The following LRPPRC variants were observed in gnomAD, a reference collection of about 807,000 sequenced individuals.
LRPPRC encodes the protein leucine-rich PPR motif-containing protein, mitochondrial.
In LRPPRC, 120 loss-of-function variants were observed where a neutral mutation model predicts 180.3. The observed-to-expected ratio is 0.67, with a 90% CI of 0.57 to 0.77. The LOEUF is 0.77. LRPPRC is among the 30% of genes least tolerant of loss of function. The pLI, the probability that LRPPRC is intolerant of heterozygous loss-of-function variation, is 0.00. For missense variants in LRPPRC, 2,012 were observed against 1,657.2 expected (o/e 1.21, Z -3.72); for synonymous variants, 723 against 600.0 (o/e 1.21, Z -3.00).
chr2:43,962,710 A>C (rs776699262), intron 12 of LRPPRC, among the ~76,000 whole-genome samples: 1 of 152,230 alleles, frequency 6.6e-6, no homozygotes, highest in East Asian at 1.9e-4. Context: ...GTAGAAAAAC[A>C]AAGGTTTGAA....
intron 29 of LRPPRC, among the ~76,000 whole-genome samples, chr2:43,917,253 A>G (rs1671506384): frequency 6.6e-6 from 1 of 151,622 alleles, no homozygotes. Flanking sequence ...GTTGGCCAGG[A>G]TGGTCTCCAT....
At position 43,918,091 on chromosome 2, in the gene LRPPRC, C is replaced by A; in HGVS notation, c.3082G>T (p.Ala1028Ser). The change falls in exon 29 of 38, where the codon GCC (alanine) becomes TCC (serine). Residue 1028 changes from alanine (A) to serine (S), a missense_variant. Physicochemically the swap from Ala to Ser is moderately conservative, Grantham distance 99. Coordinates refer to ENST00000260665, the MANE Select transcript of LRPPRC (RefSeq NM_133259.4). The part of the protein sequence containing the change: ...DEKHSLNSSS[A>S]STTEPDFQKD... ...TGGAAATCAGGTTCTGTGGTTGAGGCTGACGAAGAATTCAGGGAATGTTTT... is the reference window on the plus strand; with the variant it reads ...TGGAAATCAGGTTCTGTGGTTGAGGATGACGAAGAATTCAGGGAATGTTTT... 1 of 1,613,252 alleles carries A rather than the reference C, an allele frequency of 6.2e-7. No homozygotes were observed. The highest frequency in any genetic ancestry group is 8.5e-7 in the Non-Finnish European group (1 of 1,179,776).
chr2:43,947,444 T>G (rs1672729286), intron 19 of LRPPRC, 74 bp from the exon 20 acceptor site: 1 of 752,738 alleles, frequency 1.3e-6, no homozygotes, highest in African/African-American at 1.7e-5. Context: ...ACTCTTCCCT[T>G]TAAACTGACT....
intron 25 of LRPPRC, among the ~76,000 whole-genome samples, chr2:43,931,138 C>G (rs1672072766): frequency 6.6e-6 from 1 of 152,154 alleles, no homozygotes; most frequent in South Asian, 2.1e-4. Flanking sequence ...ACTCTTAGCC[C>G]TTTGAGTAGT....
Position 43,894,595 on chromosome 2 carries a change from G to C in LRPPRC, c.3935C>G (p.Pro1312Arg), listed in dbSNP as rs747154844. 3.5e-5 allele frequency: 56 copies of C among 1,583,158 alleles called. No individual in the cohort carries two copies. Among genetic ancestry groups the C allele is most frequent in the Non-Finnish European group, 4.9e-5 (56 of 1,152,476 alleles). Reference sequence around the variant, plus strand: ...TGCTTCTTCCTTTTCATTTAATTCAGGAATCAATTCTAACACAGATTTCAC... The same window carrying C: ...TGCTTCTTCCTTTTCATTTAATTCACGAATCAATTCTAACACAGATTTCAC... ...STVKSVLELIPELNEKEEAYN... is the reference protein window; with the variant it reads ...STVKSVLELIRELNEKEEAYN... The change falls in exon 36 of 38, where the codon CCT becomes CGT. Residue 1312 changes from proline (P) to arginine (R), a missense_variant. By Grantham distance (103) the Pro-to-Arg change is moderately radical (BLOSUM62 -2). Coordinates refer to ENST00000260665, the MANE Select transcript of LRPPRC (RefSeq NM_133259.4).
intron 25 of LRPPRC, among the ~76,000 whole-genome samples, 182 bp from the exon 26 acceptor site, chr2:43,926,143 A>G (rs1671869915): frequency 1.3e-5 from 2 of 152,136 alleles, no homozygotes; most frequent in Non-Finnish European, 2.9e-5. Context: ...ACTAATACAA[A>G]CTATAATTAA....
chr2:43,943,930 T>A lies in LRPPRC; in HGVS notation c.2297-36A>T, dbSNP rs1435363419. On this transcript the variant is annotated intron_variant, in intron 22 of 37. Transcript: ENST00000260665. ...GTAACACAAAAGACCCTTAGGTAAT[T>A]TCATGTAGGGAAAACAAACTGCTAT... 2.0e-6 allele frequency: 3 copies of A among 1,489,264 alleles called. No homozygotes were observed. In the African/African-American group the frequency reaches 4.1e-5, roughly 21 times the overall value. The allele number at this position is 1,489,264 out of a possible 1,614,324, so 92.3% of individuals were successfully genotyped here. A position where few individuals can be genotyped will look rare whatever the true frequency, so the allele number is the denominator to read the frequency against.
At position 43,889,467 on chromosome 2, in the gene LRPPRC, A is replaced by C. The variant is rs559824567; in HGVS notation, c.4128+267T>G. 2.4e-3 allele frequency among the ~76,000 whole-genome samples: 362 copies of C among 152,294 alleles called. 4 individuals are homozygous for C. Among genetic ancestry groups the C allele is most frequent in the African/African-American group, 8.3e-3 (347 of 41,566 alleles). ...TCCTATTTCAAGTTGAAATGAGAGA[A>C]CTGCCCCAAGGACATTTGGTAAATC... On this transcript the variant is annotated intron_variant, in intron 37 of 37. Coordinates refer to ENST00000260665, the MANE Select transcript of LRPPRC (RefSeq NM_133259.4).
intron 23 of LRPPRC, among the ~76,000 whole-genome samples, chr2:43,935,927 T>C (rs887345561): frequency 2.0e-5 from 3 of 151,918 alleles, no homozygotes; most frequent in Non-Finnish European, 4.4e-5. Context: ...CTATTAAAAA[T>C]ATAAAATTAG....
At chr2:43,918,783 A>G (rs1202073503) in intron 27 of LRPPRC, among the ~76,000 whole-genome samples, 1 of 35,280 alleles carries the variant, frequency 2.8e-5, no homozygotes, top group Non-Finnish European at 4.3e-5. Context: ...GGAAATATAT[A>G]TATATATAGA....
intron 14 of LRPPRC, among the ~76,000 whole-genome samples, chr2:43,954,718 T>C (rs1397487821): frequency 1.3e-5 from 2 of 152,186 alleles, no homozygotes; most frequent in African/African-American, 2.4e-5. Context: ...TAATATGTAA[T>C]GTACCACTTT....
intron 14 of LRPPRC, among the ~76,000 whole-genome samples, chr2:43,954,465 T>C (rs534990834): frequency 5.3e-5 from 8 of 152,196 alleles, no homozygotes; most frequent in Admixed American, 2.6e-4. Context: ...ACTTGTAAGT[T>C]TGCAGGAAGT....
At chr2:43,902,856 AGATTAAT>A (rs1275777637) in intron 31 of LRPPRC, 1 of 152,220 alleles carries the variant, frequency 6.6e-6, no homozygotes, top group Non-Finnish European at 1.5e-5. Context: ...AACAAAAATA[AGATTAAT>A]GATGGTGATG....
chr2:43,939,147 G>A (rs1364629249), intron 23 of LRPPRC, among the ~76,000 whole-genome samples: 6 of 151,424 alleles, frequency 4.0e-5, no homozygotes, highest in East Asian at 1.9e-4. Flanking sequence ...CTGGCGTGGC[G>A]GTGAGCACCT....
chr2:43,919,666 G>A (rs1028826291), intron 27 of LRPPRC, among the ~76,000 whole-genome samples: 30 of 152,062 alleles, frequency 2.0e-4, no homozygotes, highest in African/African-American at 5.8e-4. Context: ...ATGGTTGGAA[G>A]AGGAAACATC....
rs747568038 is a variant in LRPPRC, at chr2:43,963,578, T to C, written c.1488+10A>G. The stretch of plus-strand genomic sequence containing the variant: ...TTCAATTATTAAATTAAAACCACAC[T>C]TGTACTCACCTGCAAAATGGCTCGT... On this transcript the variant is annotated intron_variant, in intron 12 of 37. Coordinates refer to ENST00000260665, the MANE Select transcript of LRPPRC (RefSeq NM_133259.4). 4 of 1,461,470 alleles carry C rather than the reference T, an allele frequency of 2.7e-6. No individual in the cohort carries two copies. Among genetic ancestry groups the C allele is most frequent in the Non-Finnish European group, 3.8e-6 (4 of 1,041,140 alleles). 90.5% of individuals were successfully genotyped at this position (1,461,470 alleles called of 1,614,324 possible). A position where few individuals can be genotyped will look rare whatever the true frequency, so the allele number is the denominator to read the frequency against.
intron 25 of LRPPRC, among the ~76,000 whole-genome samples, chr2:43,929,404 T>G (rs1488904705): frequency 6.6e-6 from 1 of 152,232 alleles, no homozygotes; most frequent in Non-Finnish European, 1.5e-5. Flanking sequence ...TCTATGTGTG[T>G]GTAAGTTTTG....
At chr2:43,914,436 G>A (rs1206647505) in intron 29 of LRPPRC, among the ~76,000 whole-genome samples, 1 of 152,172 alleles carries the variant, frequency 6.6e-6, no homozygotes, top group Admixed American at 6.5e-5. Flanking sequence ...AGGAAACTCT[G>A]AAGAGTTATG....
At chr2:43,972,346 A>G (rs189766836) in intron 11 of LRPPRC, among the ~76,000 whole-genome samples, 1 of 152,340 alleles carries the variant, frequency 6.6e-6, no homozygotes. Flanking sequence ...CAACCATAGA[A>G]AGAAATTACC....
Sources: gnomAD v4.1 joint callset for allele counts (sites outside exome capture counted in the v4.1 genomes callset) on GRCh38, gnomAD v4.1.1 for gene constraint, MANE v1.5 for transcripts, NCBI Gene and HGNC (gene_info 2026-07-23, HGNC 2026-07-21) for gene names.